HPSE2: variants seen among roughly 807,000 people sequenced by gnomAD.
HPSE2 encodes the protein inactive heparanase-2.
In HPSE2, 38 loss-of-function variants were observed where a neutral mutation model predicts 60.5. The observed-to-expected ratio is 0.63, with a 90% CI of 0.48 to 0.82. HPSE2 has a LOEUF of 0.82. Ranked by LOEUF, HPSE2 falls within the 40% of genes least tolerant of loss-of-function variation. The pLI, the probability that HPSE2 is intolerant of heterozygous loss-of-function variation, is 0.00. For synonymous variants in HPSE2, 295 were observed against 293.2 expected (o/e 1.01, Z -0.06); for missense variants, 713 against 740.4 (o/e 0.96, Z 0.43).
chr10:99,290,537 A>G, the HPSE2 span, among the ~76,000 whole-genome samples: 1 of 152,202 alleles, frequency 6.6e-6, no homozygotes, highest in Admixed American at 6.5e-5. Context: ...ACTAAGAAAC[A>G]GCTATCAGTG....
chr10:98,620,317 CTG>C (rs1946038997), intron 8 of HPSE2, among the ~76,000 whole-genome samples: 1 of 152,190 alleles, frequency 6.6e-6, no homozygotes, highest in African/African-American at 2.4e-5. Flanking sequence ...GTTGTTTACA[CTG>C]TGTTTTGAAC....
chr10:99,093,423 T>G (rs1436585501), intron 3 of HPSE2, among the ~76,000 whole-genome samples: 1 of 152,126 alleles, frequency 6.6e-6, no homozygotes, highest in Non-Finnish European at 1.5e-5. Flanking sequence ...CAGCAAAACA[T>G]CATAAAGAGG....
intron 3 of HPSE2, among the ~76,000 whole-genome samples, chr10:98,876,629 C>T (rs1952884807): frequency 6.6e-6 from 1 of 151,826 alleles, no homozygotes; most frequent in Non-Finnish European, 1.5e-5. Context: ...TCTATGCAGA[C>T]TGAGGGTGGA....
the HPSE2 span, among the ~76,000 whole-genome samples, chr10:99,303,770 G>T: frequency 1.3e-5 from 2 of 152,110 alleles, no homozygotes; most frequent in South Asian, 2.1e-4. Flanking sequence ...GTAGGAAAAG[G>T]CACTTTAATT....
chr10:99,169,575 T>C (rs1468440693), intron 2 of HPSE2, among the ~76,000 whole-genome samples: 2 of 135,928 alleles, frequency 1.5e-5, no homozygotes, highest in African/African-American at 5.5e-5. Flanking sequence ...ACTTGTAAAA[T>C]TGCATAGTAA....
chr10:99,013,934 TG>T, intron 3 of HPSE2: 1 of 430,108 alleles, frequency 2.3e-6, no homozygotes. Context: ...CTCCATATCC[TG>T]GTGAAGAGAA....
At chr10:98,531,757 A>C (rs999385061) in intron 9 of HPSE2, among the ~76,000 whole-genome samples, 4 of 152,020 alleles carry the variant, frequency 2.6e-5, no homozygotes, top group Non-Finnish European at 5.9e-5. Flanking sequence ...TGGATATCTA[A>C]GGTGAAAGTT....
chr10:98,764,849 A>C (rs1950085303), intron 3 of HPSE2, among the ~76,000 whole-genome samples: 1 of 152,150 alleles, frequency 6.6e-6, no homozygotes, highest in Non-Finnish European at 1.5e-5. Context: ...AGAGAGCCAG[A>C]GAGCCAGACT....
At chr10:99,020,570 C>T (rs2135424358) in intron 3 of HPSE2, among the ~76,000 whole-genome samples, 1 of 152,326 alleles carries the variant, frequency 6.6e-6, no homozygotes, top group African/African-American at 2.4e-5. Flanking sequence ...AGTTTTTTAC[C>T]TCCTTTTGCA....
intron 3 of HPSE2, among the ~76,000 whole-genome samples, chr10:99,092,765 A>G (rs1421015279): frequency 6.6e-6 from 1 of 152,134 alleles, no homozygotes; most frequent in African/African-American, 2.4e-5. Context: ...AATTTTTGCA[A>G]AGTTGTTGTA....
chr10:98,952,314 T>TGTGTG (rs1955383534), intron 3 of HPSE2, among the ~76,000 whole-genome samples: 9 of 137,412 alleles, frequency 6.5e-5, no homozygotes, highest in African/African-American at 2.5e-4. Flanking sequence ...AAGAATTTGT[T>TGTGTG]TGTGTGTGTG....
chr10:99,209,835 G>A (rs1848895280), intron 2 of HPSE2, among the ~76,000 whole-genome samples: 1 of 152,068 alleles, frequency 6.6e-6, no homozygotes, highest in Non-Finnish European at 1.5e-5. Flanking sequence ...GACTACAGGT[G>A]CATGCCACCA....
intron 3 of HPSE2, among the ~76,000 whole-genome samples, chr10:98,866,669 A>C (rs1178408798): frequency 6.6e-6 from 1 of 152,126 alleles, no homozygotes; most frequent in Non-Finnish European, 1.5e-5. Flanking sequence ...CAGATTCCTC[A>C]CTGGAAACAA....
chr10:98,721,893 C>A, intron 4 of HPSE2, 65 bp from the exon 5 acceptor site: 2 of 1,286,762 alleles, frequency 1.6e-6, no homozygotes, highest in South Asian at 2.4e-5. Context: ...ACTTTCCTGT[C>A]CACAGATCTC....
At chr10:99,304,816 A>C in the HPSE2 span, among the ~76,000 whole-genome samples, 1 of 152,246 alleles carries the variant, frequency 6.6e-6, no homozygotes, top group Non-Finnish European at 1.5e-5. Context: ...GAAACGAATG[A>C]AACTTTTTAT....
chr10:99,077,023 T>C (rs1289612624), intron 3 of HPSE2, among the ~76,000 whole-genome samples: 1 of 152,226 alleles, frequency 6.6e-6, no homozygotes, highest in Non-Finnish European at 1.5e-5. Flanking sequence ...GCACTTTGAA[T>C]ATATCATCCC....
At chr10:98,684,156 C>A (rs1947853292) in intron 6 of HPSE2, among the ~76,000 whole-genome samples, 1 of 151,990 alleles carries the variant, frequency 6.6e-6, no homozygotes, top group Non-Finnish European at 1.5e-5. Flanking sequence ...AAAAAGGGCA[C>A]AAATCCAACA....
chr10:98,499,066 G>A lies in HPSE2; in HGVS notation c.1321-8870C>T, dbSNP rs117270438. On this transcript the variant is annotated intron_variant, in intron 9 of 11. Transcript: ENST00000370552. ...AGGAAGAAGAGAAATCTCAAAGTTC[G>A]GAAAACATATTTGGGGGAATAATCG... is the stretch of plus-strand genomic sequence containing the variant. Among the ~76,000 whole-genome samples the A allele has an allele frequency of 7.3e-3, 1,115 of 152,260 alleles. 10 individuals carry two copies. Among genetic ancestry groups the A allele is most frequent in the Middle Eastern group, 0.017 (5 of 294 alleles).
At chr10:98,853,170 T>A (rs1952224341) in intron 3 of HPSE2, among the ~76,000 whole-genome samples, 1 of 152,262 alleles carries the variant, frequency 6.6e-6, no homozygotes, top group Middle Eastern at 3.2e-3. Flanking sequence ...TATGGAAGGC[T>A]GAGCCATTCT....
Sources: allele counts gnomAD v4.1 joint callset (sites outside exome capture counted in the v4.1 genomes callset), GRCh38; gene constraint gnomAD v4.1.1; transcripts MANE v1.5; gene names NCBI Gene and HGNC (gene_info 2026-07-23, HGNC 2026-07-21).